The following NSD1 variants were observed in gnomAD, a reference collection of about 807,000 sequenced individuals.
NSD1 encodes nuclear receptor binding SET domain protein 1, also known as histone-lysine N-methyltransferase, H3 lysine-36 specific.
A neutral mutation model predicts 242.7 loss-of-function variants in NSD1; 26 were observed. That is an observed-to-expected ratio of 0.11 (90% confidence interval 0.08 to 0.15). NSD1 has a LOEUF of 0.15. NSD1 is among the 10% of genes least tolerant of loss of function. The pLI is 1.00. For synonymous variants in NSD1, 1,106 were observed against 1,178.1 expected (o/e 0.94, Z 1.25); for missense variants, 2,495 against 3,272.8 (o/e 0.76, Z 5.80).
chr5:177,229,316 T>G (rs79904966), intron 5 of NSD1, among the ~76,000 whole-genome samples: 3,915 of 152,320 alleles, frequency 0.026, 50 homozygotes, highest in African/African-American at 0.03. Context: ...CAGTGACATT[T>G]TGTAGTTGTA....
At chr5:177,132,160 T>C (rs1189494229), upstream of NSD1, among the ~76,000 whole-genome samples, 1 of 152,048 alleles carries the variant, frequency 6.6e-6, no homozygotes, top group African/African-American at 2.4e-5. The surrounding 1 kb of genome is among the most constrained non-coding windows in gnomAD (Gnocchi z 7.5). Flanking sequence ...CCAGCGGGCT[T>C]GTCCCGGCCA....
rs1414806576 is a variant in NSD1 at position 177,211,694 on chromosome 5, A to G, written c.3295A>G (p.Ser1099Gly). ...CCTTCAGATAATGGGCCACTTAACAAGTGAAGATGGTGACCATTTTTCTGA... is the reference window on the plus strand; with the variant it reads ...CCTTCAGATAATGGGCCACTTAACAGGTGAAGATGGTGACCATTTTTCTGA... Reference protein sequence around the residue: ...DPLQIMGHLTSEDGDHFSDVH... With the variant: ...DPLQIMGHLTGEDGDHFSDVH... The change falls in exon 5 of 23, where the codon AGT becomes GGT. Residue 1099 changes from serine to glycine, a missense_variant. This residue lies in a region of NSD1 where 426 missense variants were observed against 411.4 expected (regional missense o/e 1.04). Coordinates refer to ENST00000439151, the MANE Select transcript of NSD1 (RefSeq NM_022455.5). 1 of 1,614,122 alleles carries G rather than the reference A, an allele frequency of 6.2e-7. No individual in the cohort carries two copies. Among genetic ancestry groups the G allele is most frequent in the African/African-American group, 1.3e-5 (1 of 75,026 alleles).
At chr5:177,245,502 T>G (rs1333369685) in intron 9 of NSD1, among the ~76,000 whole-genome samples, 1 of 152,208 alleles carries the variant, frequency 6.6e-6, no homozygotes, top group Non-Finnish European at 1.5e-5. Context: ...AACTCCAGCT[T>G]TCATACTGTT....
chr5:177,283,678 G>T (rs1285620849), intron 19 of NSD1, 109 bp from the exon 20 acceptor site: 1 of 1,250,612 alleles, frequency 8.0e-7, no homozygotes, highest in African/African-American at 1.5e-5. Flanking sequence ...TCTCTGAGAG[G>T]TTCAGTCTTT....
At chr5:177,139,133 C>G (rs1331955897) in intron 2 of NSD1, among the ~76,000 whole-genome samples, 1 of 151,774 alleles carries the variant, frequency 6.6e-6, no homozygotes, top group Admixed American at 6.6e-5. Context: ...AGCCTGTAAT[C>G]TCAGCTATTT....
intron 3 of NSD1, 100 bp downstream of exon 3, chr5:177,192,119 T>TTGTGAATG: frequency 9.2e-7 from 1 of 1,085,294 alleles, no homozygotes; most frequent in Non-Finnish European, 1.3e-6. Flanking sequence ...TTGGAACATT[T>TTGTGAATG]TGTGAATGAA....
intron 17 of NSD1, among the ~76,000 whole-genome samples, chr5:177,279,556 T>C (rs1395456701): frequency 6.6e-6 from 1 of 151,376 alleles, no homozygotes; most frequent in Non-Finnish European, 1.5e-5. Flanking sequence ...GACACCAACA[T>C]GTGGCAATAG....
chr5:177,203,558 A>G (rs963009447), intron 3 of NSD1, among the ~76,000 whole-genome samples: 9 of 152,118 alleles, frequency 5.9e-5, no homozygotes, highest in African/African-American at 2.2e-4. Context: ...AAAACCATAC[A>G]TTATTTTGGG....
At chr5:177,182,306 T>A (rs1377302305) in intron 2 of NSD1, among the ~76,000 whole-genome samples, 1 of 152,092 alleles carries the variant, frequency 6.6e-6, no homozygotes, top group Admixed American at 6.6e-5. Flanking sequence ...AACAGTTGAG[T>A]GAGACTCTGT....
chr5:177,285,879 GT>G (rs1759285693), intron 20 of NSD1, among the ~76,000 whole-genome samples: 2 of 152,166 alleles, frequency 1.3e-5, no homozygotes, highest in South Asian at 2.1e-4. Context: ...ATCTTAGTCT[GT>G]TTTTGTGTGT....
chr5:177,247,640 G>T (rs1391747148), intron 10 of NSD1, among the ~76,000 whole-genome samples: 1 of 151,642 alleles, frequency 6.6e-6, no homozygotes. Context: ...GAGACCATCA[G>T]CTACTTAATC....
chr5:177,298,743 T>C lies in NSD1; in HGVS notation c.*3284T>C, dbSNP rs1760401348. ...TCACTGGAGCCGGACTCCCAGGTTG[T>C]AATTCTAATGTTGCCTCATGAGAAC... On this transcript the variant is annotated 3_prime_UTR_variant, in exon 23 of 23. Transcript: ENST00000439151. 8.6e-6 allele frequency: 2 copies of C among 233,196 alleles called. No homozygotes were observed. Among genetic ancestry groups the C allele is most frequent in the East Asian group, 1.2e-4 (2 of 16,602 alleles). The allele number at this position is 233,196 out of a possible 1,614,324, so 14.4% of individuals were successfully genotyped here.
chr5:177,191,842 A>G, intron 2 of NSD1, 42 bp from the exon 3 acceptor site: 4 of 1,608,110 alleles, frequency 2.5e-6, no homozygotes, highest in Non-Finnish European at 3.4e-6. Context: ...GTTTCAAAAT[A>G]TTTTGATTCT....
At chr5:177,209,604 A>G (rs1472498567) in intron 4 of NSD1, 32 bp from the exon 5 acceptor site, 1 of 1,547,524 alleles carries the variant, frequency 6.5e-7, no homozygotes, top group South Asian at 1.1e-5. Context: ...TTCTTTGATA[A>G]GTGATAATTC....
At chr5:177,216,100 TGATGTTCCCACTTTG>T in intron 5 of NSD1, among the ~76,000 whole-genome samples, 1 of 152,354 alleles carries the variant, frequency 6.6e-6, no homozygotes, top group East Asian at 1.9e-4. Context: ...TGGGCTCAAA[TGATGTTCCCACTTTG>T]GCCTCCCAAA....
intron 2 of NSD1, among the ~76,000 whole-genome samples, chr5:177,158,234 CTAATTTCT>C (rs1758296253): frequency 1.5e-5 from 2 of 133,508 alleles, no homozygotes; most frequent in Admixed American, 1.5e-4. Flanking sequence ...TATATGGGTT[CTAATTTCT>C]TTCTTTCTTT....
At chr5:177,156,242 G>A (rs1310358156) in intron 2 of NSD1, among the ~76,000 whole-genome samples, 3 of 139,284 alleles carry the variant, frequency 2.2e-5, no homozygotes, top group Non-Finnish European at 3.1e-5. Flanking sequence ...GTGCAGTGGC[G>A]CGATCTTGGC....
Position 177,174,086 on chromosome 5 carries a change from G to A in NSD1, c.928-17798G>A, listed in dbSNP as rs142513356. 2.5e-4 allele frequency among the ~76,000 whole-genome samples: 38 copies of A among 152,092 alleles called. No individual in the cohort carries two copies. The East Asian group carries it at 7.5e-3, about 30-fold the overall frequency. ...GGTCGTCAGAAAAGAGGTTAAAAAGGCCGGGCGCGGTGGCTCACGCCTGTA... is the reference window on the plus strand; with the variant it reads ...GGTCGTCAGAAAAGAGGTTAAAAAGACCGGGCGCGGTGGCTCACGCCTGTA... On this transcript the variant is annotated intron_variant, in intron 2 of 22. Transcript: ENST00000439151.
At chr5:177,158,293 C>CT (rs59738936) in intron 2 of NSD1, among the ~76,000 whole-genome samples, 11,139 of 75,926 alleles carry the variant, frequency 0.15, 941 homozygotes, top group East Asian at 0.48. Flanking sequence ...TTCTTTCTTT[C>CT]TTTCTTTCTT....
Sources: allele counts gnomAD v4.1 joint callset (sites outside exome capture counted in the v4.1 genomes callset), GRCh38; gene constraint gnomAD v4.1.1; regional missense constraint gnomAD v4.1.1; non-coding constraint Gnocchi (gnomAD v3.1); transcripts MANE v1.5; gene names NCBI Gene and HGNC (gene_info 2026-07-23, HGNC 2026-07-21).